The following DPH6 variants were observed in gnomAD, a reference collection of about 807,000 sequenced individuals.
The protein encoded by DPH6 is diphthamine biosynthesis 6.
A neutral mutation model predicts 38.2 loss-of-function variants in DPH6; 33 were observed. That is an observed-to-expected ratio of 0.86 (90% confidence interval 0.65 to 1.15). The LOEUF (loss-of-function observed/expected upper bound fraction) is 1.15, where lower values mean the gene tolerates loss of function less well. Among genes scored for constraint, DPH6 ranks in the 50% most tolerant of loss-of-function variants. DPH6 has a pLI of 0.00. For synonymous variants in DPH6, 108 were observed against 103.0 expected, an observed-to-expected ratio of 1.05 and a Z score of -0.30; for missense variants, 325 against 320.0, an observed-to-expected ratio of 1.02 and a Z score of -0.12.
chr15:35,363,903 C>T (rs534111862), intron 3 of DPH6, among the ~76,000 whole-genome samples: 2 of 152,052 alleles, frequency 1.3e-5, no homozygotes, highest in Admixed American at 1.3e-4. Flanking sequence ...AAAACTTTAA[C>T]CATTTAACTC....
chr15:35,297,169 T>C (rs2052021240), intron 3 of DPH6, among the ~76,000 whole-genome samples: 1 of 152,150 alleles, frequency 6.6e-6, no homozygotes, highest in African/African-American at 2.4e-5. Flanking sequence ...TTTTCATGAA[T>C]TATACCCATT....
chr15:35,206,267 T>C, the DPH6 span, among the ~76,000 whole-genome samples: 3 of 152,206 alleles, frequency 2.0e-5, no homozygotes, highest in Non-Finnish European at 4.4e-5. Context: ...TTAAGGATAC[T>C]ACACCAGCGT....
intron 7 of DPH6, among the ~76,000 whole-genome samples, chr15:35,381,453 C>T (rs957067535): frequency 2.6e-5 from 4 of 152,112 alleles, no homozygotes; most frequent in Non-Finnish European, 5.9e-5. Context: ...GTTAATGGAA[C>T]CCACAGGCTA....
intron 3 of DPH6, among the ~76,000 whole-genome samples, chr15:35,512,040 G>A (rs567265407): frequency 6.6e-6 from 1 of 152,098 alleles, no homozygotes; most frequent in Admixed American, 6.6e-5. Context: ...GAAGCATAAA[G>A]TATTTTCTAT....
intron 7 of DPH6, among the ~76,000 whole-genome samples, chr15:35,377,692 A>C (rs914890011): frequency 6.6e-6 from 1 of 152,166 alleles, no homozygotes; most frequent in Admixed American, 6.5e-5. Context: ...TTCATCTGTC[A>C]ATAGACACGA....
intron 8 of DPH6, among the ~76,000 whole-genome samples, chr15:35,372,735 C>A (rs1488330620): frequency 1.3e-5 from 2 of 151,864 alleles, no homozygotes; most frequent in Admixed American, 6.6e-5. Context: ...CACTCTTTTC[C>A]TACTTTTGCC....
At chr15:35,297,071 C>T (rs1156650526) in intron 3 of DPH6, among the ~76,000 whole-genome samples, 1 of 152,152 alleles carries the variant, frequency 6.6e-6, no homozygotes, top group East Asian at 1.9e-4. Context: ...ACTAATCACT[C>T]CACTTCAAGT....
rs36102028 is a variant in DPH6, at chr15:35,454,728, CA to C, written c.386+18del. 6.3e-7 allele frequency: 1 copy of C among 1,586,796 alleles called. No individual in the cohort carries two copies. ...AAAACACATACACTTTTAAAACTAA[CA>C]AATTAATGTTTTCTTACACATTTTC... On this transcript the variant is annotated intron_variant, in intron 4 of 8. Coordinates refer to ENST00000256538, the MANE Select transcript of DPH6 (RefSeq NM_080650.4).
In DPH6 at chr15:35,546,146, G is replaced by A. The variant is rs1482325332; in HGVS notation, c.-5C>T. ...GATCAGAGCCGCGACCCTCATGCTG[G>A]GCGCAGTGCGCGTGCGTGCGGCGAG... On this transcript the variant is annotated 5_prime_UTR_variant, in exon 1 of 9. Coordinates refer to ENST00000256538, the MANE Select transcript of DPH6 (RefSeq NM_080650.4). 3 of 1,396,358 alleles carry A rather than the reference G, an allele frequency of 2.1e-6. No homozygotes were observed. The highest frequency in any genetic ancestry group is 2.8e-6 in the Non-Finnish European group (3 of 1,061,088). The allele number at this position is 1,396,358 out of a possible 1,614,324, so 86.5% of individuals were successfully genotyped here.
At chr15:35,203,357 T>C in the DPH6 span, among the ~76,000 whole-genome samples, 1 of 151,630 alleles carries the variant, frequency 6.6e-6, no homozygotes, top group Admixed American at 6.6e-5. Flanking sequence ...TCAATTCCAC[T>C]GTGGAATGAT....
intron 3 of DPH6, among the ~76,000 whole-genome samples, chr15:35,511,910 G>A (rs1181103780): frequency 6.6e-6 from 1 of 152,020 alleles, no homozygotes; most frequent in Non-Finnish European, 1.5e-5. Context: ...TCTTACAAAT[G>A]AGCTATTATA....
At chr15:35,355,032 T>C (rs2052547296) in intron 3 of DPH6, among the ~76,000 whole-genome samples, 1 of 152,222 alleles carries the variant, frequency 6.6e-6, no homozygotes, top group Admixed American at 6.5e-5. Context: ...CCCTTTACCA[T>C]TACGTAATGG....
At chr15:35,354,067 T>C (rs2052538673) in intron 3 of DPH6, among the ~76,000 whole-genome samples, 2 of 152,210 alleles carry the variant, frequency 1.3e-5, no homozygotes. Context: ...TCACTCATGA[T>C]TTGGCTCTCT....
chr15:35,365,139 A>G (rs2052645945), intron 3 of DPH6, among the ~76,000 whole-genome samples: 1 of 152,058 alleles, frequency 6.6e-6, no homozygotes, highest in Non-Finnish European at 1.5e-5. Flanking sequence ...GACTGGTAAT[A>G]TGACCCTCAA....
At chr15:35,330,978 T>C (rs900940607) in exon 4 of DPH6, 2 of 152,210 alleles carry the variant, frequency 1.3e-5, no homozygotes, top group Non-Finnish European at 2.9e-5. Flanking sequence ...AGCAGCTGCA[T>C]GTAACATGCT....
intron 3 of DPH6, among the ~76,000 whole-genome samples, chr15:35,512,584 C>A (rs1359275719): frequency 1.3e-5 from 2 of 152,062 alleles, no homozygotes; most frequent in African/African-American, 4.8e-5. Flanking sequence ...TATTACATGA[C>A]TGAATTGCCC....
intron 3 of DPH6, among the ~76,000 whole-genome samples, chr15:35,529,361 T>G (rs780057876): frequency 2.0e-5 from 3 of 151,988 alleles, no homozygotes; most frequent in Admixed American, 6.6e-5. Flanking sequence ...CAACAAGATC[T>G]CAGGAGAACT....
intron 7 of DPH6, among the ~76,000 whole-genome samples, chr15:35,378,861 A>G (rs2052820864): frequency 6.6e-6 from 1 of 152,082 alleles, no homozygotes; most frequent in Non-Finnish European, 1.5e-5. Context: ...CATTAGGAGA[A>G]ATACCTAATG....
At chr15:35,147,489 G>T in the DPH6 span, among the ~76,000 whole-genome samples, 2 of 152,180 alleles carry the variant, frequency 1.3e-5, no homozygotes, top group African/African-American at 4.8e-5. Flanking sequence ...CTAGGCAGCA[G>T]AAGCAGTGAC....
Sources: allele counts gnomAD v4.1 joint callset (sites outside exome capture counted in the v4.1 genomes callset), GRCh38; gene constraint gnomAD v4.1.1; transcripts MANE v1.5; gene names NCBI Gene and HGNC (gene_info 2026-07-23, HGNC 2026-07-21).